The following CNTN5 variants were observed in gnomAD, a reference collection of about 807,000 sequenced individuals.
CNTN5 encodes contactin 5, also known as contactin-5.
CNTN5 carries 77 observed loss-of-function variants against 129.1 expected under a neutral mutation model. That is an observed-to-expected ratio of 0.60 (90% confidence interval 0.50 to 0.72). The LOEUF is 0.72. Among genes scored for constraint, CNTN5 ranks in the 30% least tolerant of loss-of-function variants. CNTN5 has a pLI of 0.00. For missense variants in CNTN5, 1,478 were observed against 1,328.8 expected, an observed-to-expected ratio of 1.11 and a Z score of -1.75; for synonymous variants, 509 against 465.6, an observed-to-expected ratio of 1.09 and a Z score of -1.20.
chr11:100,250,511 T>C (rs1949943201), intron 16 of CNTN5, among the ~76,000 whole-genome samples: 1 of 152,100 alleles, frequency 6.6e-6, no homozygotes, highest in South Asian at 2.1e-4. Context: ...GTTTAATGGC[T>C]GCCTAATATT....
At chr11:99,370,357 C>T (rs377169921) in intron 2 of CNTN5, among the ~76,000 whole-genome samples, 8 of 152,064 alleles carry the variant, frequency 5.3e-5, no homozygotes, top group South Asian at 4.1e-4. Flanking sequence ...GTTTTTAGGT[C>T]GCAAAGAAAA....
At chr11:99,508,842 C>T (rs1026803287) in intron 2 of CNTN5, among the ~76,000 whole-genome samples, 1 of 151,864 alleles carries the variant, frequency 6.6e-6, no homozygotes. Context: ...CCACAATGCC[C>T]GGCTAATTTT....
intron 3 of CNTN5, among the ~76,000 whole-genome samples, chr11:99,564,279 G>T (rs1948935898): frequency 6.6e-6 from 1 of 151,958 alleles, no homozygotes; most frequent in Admixed American, 6.6e-5. Context: ...ATTTTGTAGA[G>T]ATAGGGTGTC....
intron 3 of CNTN5, among the ~76,000 whole-genome samples, chr11:99,748,322 C>T (rs1485356438): frequency 1.3e-5 from 2 of 151,876 alleles, no homozygotes; most frequent in Non-Finnish European, 2.9e-5. Context: ...GAATTCAACT[C>T]GAAGCCATCA....
At chr11:99,183,536 T>C (rs552420936) in intron 1 of CNTN5, among the ~76,000 whole-genome samples, 3 of 152,218 alleles carry the variant, frequency 2.0e-5, no homozygotes, top group South Asian at 2.1e-4. Context: ...CTTAGTTTCA[T>C]GGTATTTGTT....
chr11:99,589,498 T>A lies in CNTN5; in HGVS notation c.55+33229T>A, dbSNP rs565595204. On this transcript the variant is annotated intron_variant, in intron 3 of 24. Transcript: ENST00000524871. ...TATATTTAGAATATGAAAACAGTAA[T>A]TTTGCCTTGAAGAAATATACTAATA... Among the ~76,000 whole-genome samples, 4 of 152,322 alleles carry A rather than the reference T, an allele frequency of 2.6e-5. No individual in the cohort carries two copies. In the South Asian group the frequency reaches 8.3e-4, roughly 32 times the overall value.
At chr11:99,587,928 A>G (rs940339103) in intron 3 of CNTN5, among the ~76,000 whole-genome samples, 7 of 152,206 alleles carry the variant, frequency 4.6e-5, no homozygotes, top group Admixed American at 2.0e-4. Flanking sequence ...GAGCTGATCT[A>G]GAGAAGGAAG....
At chr11:100,096,739 T>C (rs2138035191) in intron 13 of CNTN5, among the ~76,000 whole-genome samples, 1 of 152,230 alleles carries the variant, frequency 6.6e-6, no homozygotes, top group South Asian at 2.1e-4. Flanking sequence ...GCATGTCACT[T>C]TCTACCAGCA....
chr11:99,445,671 A>C (rs1474631253), intron 2 of CNTN5, among the ~76,000 whole-genome samples: 2 of 152,202 alleles, frequency 1.3e-5, no homozygotes, highest in African/African-American at 2.4e-5. Flanking sequence ...AAGAGATGTT[A>C]ACTAAGGAAA....
At chr11:99,967,494 C>T (rs555306427) in intron 8 of CNTN5, among the ~76,000 whole-genome samples, 7 of 152,212 alleles carry the variant, frequency 4.6e-5, no homozygotes, top group South Asian at 2.1e-4. Flanking sequence ...TGTCTGTAAC[C>T]GCGCACTCTG....
chr11:99,714,604 A>C (rs1318944827), intron 3 of CNTN5, among the ~76,000 whole-genome samples: 4 of 151,934 alleles, frequency 2.6e-5, no homozygotes, highest in African/African-American at 9.7e-5. Context: ...TTTCTCATTT[A>C]AATATAGATT....
At chr11:99,758,347 C>A (rs529750045) in intron 3 of CNTN5, among the ~76,000 whole-genome samples, 1 of 151,988 alleles carries the variant, frequency 6.6e-6, no homozygotes, top group East Asian at 1.9e-4. Flanking sequence ...ATTATATGAT[C>A]CTGCTTACAA....
chr11:100,321,243 T>C (rs1951687614), intron 21 of CNTN5, among the ~76,000 whole-genome samples: 1 of 151,926 alleles, frequency 6.6e-6, no homozygotes, highest in African/African-American at 2.4e-5. Context: ...TGTTTTATAG[T>C]GTTTAATTTA....
At chr11:99,929,137 G>C (rs1360204385) in intron 7 of CNTN5, among the ~76,000 whole-genome samples, 1 of 152,098 alleles carries the variant, frequency 6.6e-6, no homozygotes, top group Non-Finnish European at 1.5e-5. Context: ...TTCCCAACAA[G>C]TTCCTCATCT....
chr11:99,081,087 T>C (rs1319224236), intron 1 of CNTN5, among the ~76,000 whole-genome samples: 3 of 150,360 alleles, frequency 2.0e-5, no homozygotes, highest in South Asian at 2.2e-4. Context: ...TGCAGCCCCC[T>C]GAAATATAAA....
intron 2 of CNTN5, among the ~76,000 whole-genome samples, chr11:99,385,987 C>G (rs2136173812): frequency 1.3e-5 from 2 of 152,284 alleles, no homozygotes; most frequent in Non-Finnish European, 2.9e-5. Flanking sequence ...CTGGAGTCCT[C>G]AGTATATTTC....
At chr11:99,160,315 G>A (rs147520503) in intron 1 of CNTN5, among the ~76,000 whole-genome samples, 173 of 152,284 alleles carry the variant, frequency 1.1e-3, no homozygotes, top group Non-Finnish European at 2.1e-3. Flanking sequence ...ATTTCCTGAA[G>A]TATGTGCAAT....
intron 7 of CNTN5, among the ~76,000 whole-genome samples, chr11:99,953,114 G>A (rs752201805): frequency 5.3e-5 from 8 of 152,170 alleles, no homozygotes; most frequent in African/African-American, 9.7e-5. Context: ...TGTTTTCAAA[G>A]ACTTCAGAGA....
intron 6 of CNTN5, among the ~76,000 whole-genome samples, chr11:99,895,449 C>G (rs540545508): frequency 1.3e-5 from 2 of 152,128 alleles, no homozygotes; most frequent in Non-Finnish European, 2.9e-5. Flanking sequence ...TAGTGCCATG[C>G]CTTTCTCATG....
Sources: allele counts gnomAD v4.1 joint callset (sites outside exome capture counted in the v4.1 genomes callset), GRCh38; gene constraint gnomAD v4.1.1; transcripts MANE v1.5; gene names NCBI Gene and HGNC (gene_info 2026-07-23, HGNC 2026-07-21).